HTR2A: variants seen among roughly 807,000 people sequenced by gnomAD.
HTR2A encodes 5-HT2 receptor.
HTR2A carries 14 observed loss-of-function variants against 31.0 expected under a neutral mutation model. That is an observed-to-expected ratio of 0.45 (90% CI 0.30 to 0.71). The LOEUF (loss-of-function observed/expected upper bound fraction) is 0.71. HTR2A is among the 30% of genes least tolerant of loss of function. HTR2A has a pLI of 0.09. For synonymous variants in HTR2A, 209 were observed against 225.2 expected, an observed-to-expected ratio of 0.93 and a Z score of 0.64; for missense variants, 442 against 573.3, an observed-to-expected ratio of 0.77 and a Z score of 2.34.
intron 3 of HTR2A, among the ~76,000 whole-genome samples, chr13:46,860,745 G>A (rs980039070): frequency 1.2e-4 from 19 of 152,214 alleles, no homozygotes; most frequent in African/African-American, 4.6e-4. Flanking sequence ...ACAGCCATCA[G>A]TGGCTGACCT....
At chr13:46,872,317 TA>T (rs1173784392) in intron 3 of HTR2A, among the ~76,000 whole-genome samples, 5 of 147,596 alleles carry the variant, frequency 3.4e-5, no homozygotes, top group Middle Eastern at 3.5e-3. Context: ...TAGCATGCTG[TA>T]TTGCATGGTT....
chr13:46,894,000 C>G (rs574152009), intron 2 of HTR2A, among the ~76,000 whole-genome samples: 1 of 152,370 alleles, frequency 6.6e-6, no homozygotes, highest in Non-Finnish European at 1.5e-5. Flanking sequence ...TCCTTTGCAG[C>G]GCCTTATGGG....
chr13:46,893,447 GC>G (rs1342835727), intron 2 of HTR2A, among the ~76,000 whole-genome samples: 2 of 152,208 alleles, frequency 1.3e-5, no homozygotes, highest in African/African-American at 4.8e-5. Flanking sequence ...GTGAATAGCT[GC>G]TTTAGGGTAG....
At chr13:46,836,599 C>A (rs1336053356) in intron 3 of HTR2A, among the ~76,000 whole-genome samples, 1 of 152,106 alleles carries the variant, frequency 6.6e-6, no homozygotes, top group Non-Finnish European at 1.5e-5. Flanking sequence ...TTAACATACA[C>A]ACAACTAACA....
At chr13:46,864,621 C>T (rs117589588) in intron 3 of HTR2A, among the ~76,000 whole-genome samples, 3,472 of 152,284 alleles carry the variant, frequency 0.023, 51 homozygotes, top group East Asian at 0.03. Context: ...ACTTGCAAAA[C>T]TACTTCTTGT....
chr13:46,862,351 G>A (rs761822887), intron 3 of HTR2A, among the ~76,000 whole-genome samples: 1 of 152,190 alleles, frequency 6.6e-6, no homozygotes, highest in Non-Finnish European at 1.5e-5. Flanking sequence ...CTGTGTGGTA[G>A]GTATCACAAT....
chr13:46,860,827 T>C (rs1314829882), intron 3 of HTR2A, among the ~76,000 whole-genome samples: 1 of 152,210 alleles, frequency 6.6e-6, no homozygotes, highest in Non-Finnish European at 1.5e-5. Flanking sequence ...TGGTTTTACA[T>C]TGCAGAGCTT....
At chr13:46,847,887 C>T (rs1188763363) in intron 3 of HTR2A, among the ~76,000 whole-genome samples, 8 of 152,094 alleles carry the variant, frequency 5.3e-5, no homozygotes, top group Admixed American at 5.2e-4. Context: ...ACAGAAAGTC[C>T]CTAACTAGCA....
chr13:46,850,335 A>G lies in HTR2A; in HGVS notation c.614-14696T>C, dbSNP rs191981210. ...GCACTATCCTAAGTGCTTTATACAGATGAGCTCACTTACTCCTCACAGTCA... is the reference window on the plus strand; with the variant it reads ...GCACTATCCTAAGTGCTTTATACAGGTGAGCTCACTTACTCCTCACAGTCA... On this transcript the variant is annotated intron_variant, in intron 3 of 3. Coordinates refer to ENST00000542664, the MANE Select transcript of HTR2A (RefSeq NM_000621.5). Among the ~76,000 whole-genome samples the G allele has an allele frequency of 4.6e-5, 7 of 152,348 alleles. No homozygotes were observed. The East Asian group carries it at 1.3e-3, about 29-fold the overall frequency.
chr13:46,845,802 A>C (rs995381170), intron 3 of HTR2A, among the ~76,000 whole-genome samples: 2 of 152,198 alleles, frequency 1.3e-5, no homozygotes, highest in African/African-American at 4.8e-5. Context: ...CCCTCTTAAA[A>C]GGGTGAATGG....
chr13:46,846,258 C>T (rs147668238), intron 3 of HTR2A, among the ~76,000 whole-genome samples: 19 of 152,114 alleles, frequency 1.2e-4, no homozygotes, highest in African/African-American at 3.4e-4. Flanking sequence ...ATGAGAATTG[C>T]TACCCTTATA....
intron 3 of HTR2A, among the ~76,000 whole-genome samples, chr13:46,880,465 T>G (rs9567745): frequency 2.0e-5 from 3 of 152,148 alleles, no homozygotes; most frequent in African/African-American, 7.2e-5. Context: ...CCTTCTCTTC[T>G]TCTTAGAAAG....
rs1951111372 is a variant in HTR2A at position 46,897,034 on chromosome 13, C to T, written c.-689G>A. On this transcript the variant is annotated 5_prime_UTR_variant, in exon 1 of 4. It adds an upstream start codon to the 5' untranslated region. Coordinates refer to ENST00000542664, the MANE Select transcript of HTR2A (RefSeq NM_000621.5). ...TGCACCAAGGGACTCCTGGTTTCCA[C>T]GGGAATGGAGTAGCTCTCTGACTGT... 5.3e-6 allele frequency: 3 copies of T among 563,642 alleles called. No individual in the cohort carries two copies. The highest frequency in any genetic ancestry group is 1.9e-5 in the African/African-American group (1 of 52,646). 34.9% of individuals were successfully genotyped at this position (563,642 alleles called of 1,614,324 possible). A position where few individuals can be genotyped will look rare whatever the true frequency, so the allele number is the denominator to read the frequency against.
chr13:46,885,574 T>C (rs1566318689), intron 3 of HTR2A, among the ~76,000 whole-genome samples: 1 of 152,248 alleles, frequency 6.6e-6, no homozygotes, highest in Non-Finnish European at 1.5e-5. Flanking sequence ...AATTGCTGCA[T>C]TAAAAATCAT....
At chr13:46,888,179 G>C (rs1195132383) in intron 3 of HTR2A, among the ~76,000 whole-genome samples, 2 of 152,128 alleles carry the variant, frequency 1.3e-5, no homozygotes, top group Admixed American at 1.3e-4. Context: ...GAGGAAGAGA[G>C]AGAATGGGGC....
intron 3 of HTR2A, among the ~76,000 whole-genome samples, chr13:46,842,839 C>T (rs529594597): frequency 9.8e-5 from 15 of 152,308 alleles, no homozygotes; most frequent in African/African-American, 3.4e-4. Context: ...TATATGTCTT[C>T]TCTCAGTAGC....
intron 3 of HTR2A, among the ~76,000 whole-genome samples, chr13:46,863,982 G>C (rs145884768): frequency 1.3e-5 from 2 of 152,010 alleles, no homozygotes; most frequent in Non-Finnish European, 2.9e-5. Context: ...ATTCATTGCA[G>C]CACTATTCAC....
At chr13:46,893,005 C>T (rs1419103648) in intron 2 of HTR2A, among the ~76,000 whole-genome samples, 2 of 152,214 alleles carry the variant, frequency 1.3e-5, no homozygotes, top group Non-Finnish European at 2.9e-5. Context: ...TTGTATTTCC[C>T]TAAGGTTAGT....
chr13:46,874,328 T>TG (rs1213080467), intron 3 of HTR2A, among the ~76,000 whole-genome samples: 1 of 152,222 alleles, frequency 6.6e-6, no homozygotes. Flanking sequence ...GAACACAGGC[T>TG]GGCATCCTAG....
Sources: allele counts gnomAD v4.1 joint callset (sites outside exome capture counted in the v4.1 genomes callset), GRCh38; gene constraint gnomAD v4.1.1; transcripts MANE v1.5; gene names NCBI Gene and HGNC (gene_info 2026-07-23, HGNC 2026-07-21).